Variants in FHIT observed in about 807,000 individuals in gnomAD.
FHIT encodes bis(5'-adenosyl)-triphosphatase.
In FHIT, 19 loss-of-function variants were observed where a neutral mutation model predicts 17.9. The observed-to-expected ratio is 1.06, with a 90% CI of 0.74 to 1.56. The LOEUF is 1.56. Ranked by LOEUF, FHIT falls within the 40% of genes most tolerant of loss-of-function variation. The probability of loss-of-function intolerance (pLI) is 0.00; values close to 1 mark genes in which losing one functional copy is unlikely to be tolerated. For missense variants in FHIT, 248 were observed against 189.2 expected (o/e 1.31, Z -1.82); for synonymous variants, 81 against 69.7 (o/e 1.16, Z -0.81).
intron 5 of FHIT, among the ~76,000 whole-genome samples, chr3:60,046,243 T>C (rs1701648025): frequency 6.6e-6 from 1 of 152,206 alleles, no homozygotes; most frequent in Non-Finnish European, 1.5e-5. Flanking sequence ...ATCTCACACA[T>C]GCCCAGTTTC....
intron 8 of FHIT, among the ~76,000 whole-genome samples, chr3:59,753,432 A>T (rs34668808): frequency 0.043 from 6,492 of 152,268 alleles, 316 homozygotes; most frequent in East Asian, 0.25. Flanking sequence ...TCTATCAGAG[A>T]GGATGTTCTC....
chr3:60,508,925 A>C (rs2034839248), intron 5 of FHIT, among the ~76,000 whole-genome samples: 1 of 152,172 alleles, frequency 6.6e-6, no homozygotes, highest in African/African-American at 2.4e-5. Context: ...GATGAAGTAA[A>C]GACGAACGTG....
At position 59,896,404 on chromosome 3, in the gene FHIT, A is replaced by T. The variant is rs550095501; in HGVS notation, c.348+25942T>A. Among the ~76,000 whole-genome samples, 477 of 152,340 alleles carry T rather than the reference A, an allele frequency of 3.1e-3. 2 individuals are homozygous for T. Among genetic ancestry groups the T allele is most frequent in the African/African-American group, 0.011 (453 of 41,560 alleles). On this transcript the variant is annotated intron_variant, in intron 8 of 9. Transcript: ENST00000492590. ...GAGTTGCCTAGAATTTTCAAATTAAACTCCAAATAGCATCCTTTATTTAAC... is the reference window on the plus strand; with the variant it reads ...GAGTTGCCTAGAATTTTCAAATTAATCTCCAAATAGCATCCTTTATTTAAC...
At chr3:60,805,522 TAACATTA>T (rs1415315237) in intron 4 of FHIT, among the ~76,000 whole-genome samples, 1 of 152,110 alleles carries the variant, frequency 6.6e-6, no homozygotes, top group Non-Finnish European at 1.5e-5. Context: ...TGACCTCATT[TAACATTA>T]ATTACCTTTA....
rs56054524 is a variant in FHIT, at chr3:61,198,895, C to CGATGAT, written c.-164+1716_-164+1721dup. On this transcript the variant is annotated intron_variant, in intron 2 of 9. Coordinates refer to ENST00000492590, the MANE Select transcript of FHIT (RefSeq NM_002012.4). ...ATGCTGTTGCTGCTGCTGCCGCCGCCGATGATGATGATGATGATGATGATG... is the reference window on the plus strand; with the variant it reads ...ATGCTGTTGCTGCTGCTGCCGCCGCCGATGATGATGATGATGATGATGATGATGATG... Among the ~76,000 whole-genome samples the CGATGAT allele has an allele frequency of 1.0e-3, 157 of 150,700 alleles. 1 individual carries two copies. The highest frequency in any genetic ancestry group is 3.7e-4 in the Non-Finnish European group (25 of 67,754).
intron 2 of FHIT, among the ~76,000 whole-genome samples, chr3:61,097,945 T>C (rs2035694195): frequency 6.6e-6 from 1 of 152,236 alleles, no homozygotes; most frequent in Non-Finnish European, 1.5e-5. Context: ...CAGAAGCTCC[T>C]TAGTTTAATT....
chr3:60,633,962 T>C (rs72872733), intron 4 of FHIT, among the ~76,000 whole-genome samples: 1,649 of 152,306 alleles, frequency 0.011, 37 homozygotes, highest in African/African-American at 0.038. Context: ...TTTCTTCATG[T>C]TTCATTAGTT....
intron 7 of FHIT, among the ~76,000 whole-genome samples, chr3:59,993,889 T>G (rs1368462218): frequency 6.6e-6 from 1 of 152,026 alleles, no homozygotes; most frequent in Non-Finnish European, 1.5e-5. Flanking sequence ...CACTCAATGC[T>G]GGGGAAAATT....
At chr3:60,828,835 G>A (rs144286397) in intron 3 of FHIT, among the ~76,000 whole-genome samples, 49 of 152,252 alleles carry the variant, frequency 3.2e-4, no homozygotes, top group Non-Finnish European at 6.3e-4. Context: ...CCGAGATGGT[G>A]CCACTGAACT....
intron 5 of FHIT, among the ~76,000 whole-genome samples, chr3:60,056,368 T>C (rs1014395953): frequency 6.6e-6 from 1 of 152,224 alleles, no homozygotes; most frequent in Non-Finnish European, 1.5e-5. Context: ...ATTTAATATA[T>C]TGGGGAGGGG....
intron 5 of FHIT, among the ~76,000 whole-genome samples, chr3:60,506,502 C>T (rs73103709): frequency 1.6e-4 from 24 of 152,006 alleles, no homozygotes; most frequent in African/African-American, 5.8e-4. Context: ...GTAGATGGCA[C>T]CATTTTCTTC....
intron 4 of FHIT, among the ~76,000 whole-genome samples, chr3:60,644,215 C>T (rs1056776162): frequency 2.0e-5 from 3 of 152,202 alleles, no homozygotes; most frequent in Non-Finnish European, 4.4e-5. Flanking sequence ...GAAAATTTAA[C>T]ATGCTTTCCT....
intron 5 of FHIT, among the ~76,000 whole-genome samples, chr3:60,105,476 G>T (rs191967488): frequency 9.9e-5 from 15 of 152,200 alleles, no homozygotes; most frequent in African/African-American, 3.4e-4. Context: ...TACTTTTCTA[G>T]GAATTACATT....
At chr3:60,261,133 T>G (rs933094536) in intron 5 of FHIT, among the ~76,000 whole-genome samples, 2 of 152,060 alleles carry the variant, frequency 1.3e-5, no homozygotes, top group African/African-American at 4.8e-5. Context: ...CTTTACTTTT[T>G]GGAATACAAA....
intron 4 of FHIT, among the ~76,000 whole-genome samples, chr3:60,654,961 A>C (rs1291447882): frequency 6.6e-6 from 1 of 152,162 alleles, no homozygotes; most frequent in Non-Finnish European, 1.5e-5. Flanking sequence ...TGATGTGTGG[A>C]GGCAAGAGAC....
At chr3:61,032,927 T>C (rs927170414) in intron 3 of FHIT, among the ~76,000 whole-genome samples, 3 of 152,160 alleles carry the variant, frequency 2.0e-5, no homozygotes, top group African/African-American at 7.2e-5. Flanking sequence ...GAGTCAATAG[T>C]GTAAGTCCCT....
At position 59,752,251 on chromosome 3, in the gene FHIT, G is replaced by C; in HGVS notation, c.419C>G (p.Ala140Gly). The change falls in exon 9 of 10, where the codon GCA (alanine) becomes GGA (glycine). Residue 140 changes from alanine (A) to glycine (G), a missense_variant. By Grantham distance (60) the Ala-to-Gly change is moderately conservative. Transcript: ENST00000492590. ...TCACTGAAAGTAGACCCGCAGAGCT[G>C]CGGCTTCTGCTGCCATTTCCTCCTC... The part of the protein sequence containing the change: ...RSEEEMAAEA[A>G]ALRVYFQ The C allele has an allele frequency of 6.2e-7, 1 of 1,612,960 alleles. No homozygotes were observed. The highest frequency in any genetic ancestry group is 8.5e-7 in the Non-Finnish European group (1 of 1,179,300).
intron 4 of FHIT, among the ~76,000 whole-genome samples, chr3:60,651,760 G>C (rs545033372): frequency 1.3e-5 from 2 of 152,174 alleles, no homozygotes; most frequent in East Asian, 1.9e-4. Context: ...CCAAGCATTA[G>C]ATTAACAAAC....
At chr3:60,309,345 T>C (rs1162848927) in intron 5 of FHIT, among the ~76,000 whole-genome samples, 3 of 152,008 alleles carry the variant, frequency 2.0e-5, no homozygotes, top group African/African-American at 7.2e-5. Flanking sequence ...CATTTCCACT[T>C]CTGACACTTT....
Sources: allele counts gnomAD v4.1 joint callset (sites outside exome capture counted in the v4.1 genomes callset), GRCh38; gene constraint gnomAD v4.1.1; transcripts MANE v1.5; gene names NCBI Gene and HGNC (gene_info 2026-07-23, HGNC 2026-07-21).